Variants in PCGF6 observed in about 807,000 individuals in gnomAD.
PCGF6 encodes the protein polycomb group RING finger protein 6.
In PCGF6, 24 loss-of-function variants were observed where a neutral mutation model predicts 45.5. The ratio of observed to expected loss-of-function variants is 0.53; its 90% CI spans 0.38 to 0.74. The LOEUF is 0.74. Ranked by LOEUF, PCGF6 falls within the 30% of genes least tolerant of loss-of-function variation. The probability of loss-of-function intolerance (pLI) is 0.00; values close to 1 mark genes in which losing one functional copy is unlikely to be tolerated. For missense variants in PCGF6, 356 were observed against 443.2 expected (o/e 0.80, Z 1.77); for synonymous variants, 152 against 162.1 (o/e 0.94, Z 0.47).
intron 8 of PCGF6, among the ~76,000 whole-genome samples, chr10:103,322,822 T>TCACA (rs368209648): frequency 8.8e-5 from 13 of 147,966 alleles, no homozygotes; most frequent in African/African-American, 2.8e-4. Flanking sequence ...AGACTCTGTA[T>TCACA]CACACACACA....
At chr10:103,329,004 C>T (rs540304001) in intron 7 of PCGF6, among the ~76,000 whole-genome samples, 18 of 150,988 alleles carry the variant, frequency 1.2e-4, no homozygotes, top group South Asian at 2.1e-4. Flanking sequence ...CTCAGCGTCC[C>T]GAAGTGCTGG....
intron 6 of PCGF6, among the ~76,000 whole-genome samples, chr10:103,334,687 C>T (rs1202215736): frequency 6.6e-6 from 1 of 152,078 alleles, no homozygotes; most frequent in East Asian, 1.9e-4. Context: ...TTCCTTTTCA[C>T]CTAGAAGCCT....
At chr10:103,321,813 T>C (rs2093198658) in intron 8 of PCGF6, among the ~76,000 whole-genome samples, 1 of 152,152 alleles carries the variant, frequency 6.6e-6, no homozygotes, top group African/African-American at 2.4e-5. Context: ...GGTATGTTAA[T>C]TAGCTCAATT....
intron 8 of PCGF6, among the ~76,000 whole-genome samples, chr10:103,325,233 T>C (rs2093213585): frequency 6.6e-6 from 1 of 152,186 alleles, no homozygotes; most frequent in African/African-American, 2.4e-5. Context: ...CTAGGTGTCC[T>C]GAGCTTTGCT....
At chr10:103,336,144 G>A (rs1428413493) in intron 6 of PCGF6, among the ~76,000 whole-genome samples, 6 of 151,764 alleles carry the variant, frequency 4.0e-5, no homozygotes, top group Admixed American at 3.9e-4. Context: ...TGAGGCAGGA[G>A]AATCGCTTGA....
chr10:103,328,812 A>G (rs1396850179), intron 7 of PCGF6, among the ~76,000 whole-genome samples: 3 of 131,340 alleles, frequency 2.3e-5, no homozygotes, highest in Admixed American at 1.5e-4. Context: ...AGTGCAGTGG[A>G]GCGATCGTGG....
intron 6 of PCGF6, among the ~76,000 whole-genome samples, chr10:103,344,140 C>G (rs561363901): frequency 1.9e-4 from 29 of 151,766 alleles, no homozygotes; most frequent in African/African-American, 7.0e-4. Context: ...TATATTTCAA[C>G]AGGGATGAAT....
intron 8 of PCGF6, among the ~76,000 whole-genome samples, chr10:103,324,938 C>A (rs1438338490): frequency 6.6e-6 from 1 of 151,408 alleles, no homozygotes; most frequent in Non-Finnish European, 1.5e-5. Flanking sequence ...AGTTCGAGAC[C>A]AGCCAGACCA....
At chr10:103,318,896 G>A (rs2133565126) in intron 8 of PCGF6, among the ~76,000 whole-genome samples, 1 of 152,314 alleles carries the variant, frequency 6.6e-6, no homozygotes, top group South Asian at 2.1e-4. Flanking sequence ...TTTGTAAGCA[G>A]GCCCTTCTAA....
chr10:103,323,801 T>A (rs2093206478), intron 8 of PCGF6, among the ~76,000 whole-genome samples: 1 of 151,908 alleles, frequency 6.6e-6, no homozygotes, highest in African/African-American at 2.4e-5. Flanking sequence ...GCCAGACTGG[T>A]CTTGAACTCC....
rs1478030540 is a variant in PCGF6 at position 103,338,516 on chromosome 10, G to C, written c.783-4564C>G. ...GCTGAGATCGCGCCACTGCACTCCA[G>C]CCTGGGAAACAGAGCGAGACTCCAT... On this transcript the variant is annotated intron_variant, in intron 6 of 9. Transcript: ENST00000369847. Among the ~76,000 whole-genome samples the C allele has an allele frequency of 2.0e-5, 3 of 148,048 alleles. No homozygotes were observed. The Admixed American group carries it at 2.1e-4, about 10-fold the overall frequency.
chr10:103,313,827 G>T (rs962148554), intron 9 of PCGF6, among the ~76,000 whole-genome samples: 1 of 152,038 alleles, frequency 6.6e-6, no homozygotes, highest in Non-Finnish European at 1.5e-5. Flanking sequence ...CACTGGACAG[G>T]CGGAAAAAAA....
intron 1 of PCGF6, among the ~76,000 whole-genome samples, chr10:103,350,324 A>G (rs1443658342): frequency 6.6e-6 from 1 of 151,238 alleles, no homozygotes; most frequent in East Asian, 1.9e-4. Context: ...CTGTAGTCCC[A>G]GCTACTCCGG....
intron 9 of PCGF6, chr10:103,312,442 T>C (rs2133557627): frequency 6.6e-6 from 1 of 152,264 alleles, no homozygotes. Context: ...AAGTAAGGGC[T>C]ACAGGACCAA....
At chr10:103,310,360 G>C (rs942737500) in intron 9 of PCGF6, among the ~76,000 whole-genome samples, 1 of 152,128 alleles carries the variant, frequency 6.6e-6, no homozygotes, top group Non-Finnish European at 1.5e-5. Flanking sequence ...AATTAACTGG[G>C]AAGGAGCATG....
At chr10:103,335,104 C>G (rs553182757) in intron 6 of PCGF6, among the ~76,000 whole-genome samples, 6 of 152,064 alleles carry the variant, frequency 3.9e-5, no homozygotes, top group African/African-American at 1.2e-4. Flanking sequence ...ATCACCCAGG[C>G]AGGAGTGTAG....
chr10:103,344,338 C>T (rs904169120), intron 6 of PCGF6, among the ~76,000 whole-genome samples: 4 of 151,730 alleles, frequency 2.6e-5, no homozygotes, highest in African/African-American at 7.3e-5. Context: ...GTGGCACGAC[C>T]TCGGTTCACT....
At chr10:103,331,631 T>A (rs12261012) in intron 7 of PCGF6, among the ~76,000 whole-genome samples, 3,329 of 152,330 alleles carry the variant, frequency 0.022, 97 homozygotes, top group African/African-American at 0.07. Context: ...GTAATTAATT[T>A]ATATGTCCCT....
At chr10:103,310,076 G>A (rs535234572) in intron 9 of PCGF6, among the ~76,000 whole-genome samples, 11 of 151,212 alleles carry the variant, frequency 7.3e-5, no homozygotes, top group Admixed American at 5.3e-4. Flanking sequence ...TCAGCCTCCC[G>A]AGTAGCTGGG....
Sources: allele counts gnomAD v4.1 joint callset (sites outside exome capture counted in the v4.1 genomes callset), GRCh38; gene constraint gnomAD v4.1.1; transcripts MANE v1.5; gene names NCBI Gene and HGNC (gene_info 2026-07-23, HGNC 2026-07-21).